Variants in CCDC66 observed in about 807,000 individuals in gnomAD.
CCDC66 encodes the protein coiled-coil domain-containing protein 66.
In CCDC66, 133 loss-of-function variants were observed where a neutral mutation model predicts 128.3. The ratio of observed to expected loss-of-function variants is 1.04; its 90% confidence interval spans 0.90 to 1.20. The LOEUF (loss-of-function observed/expected upper bound fraction) is 1.20, where lower values mean the gene tolerates loss of function less well. CCDC66 is among the 50% of genes most tolerant of loss of function. The probability of loss-of-function intolerance (pLI) is 0.00; values close to 1 mark genes in which losing one functional copy is unlikely to be tolerated. For missense variants in CCDC66, 1,126 were observed against 1,075.5 expected (o/e 1.05, Z -0.66); for synonymous variants, 387 against 357.0 (o/e 1.08, Z -0.95).
intron 15 of CCDC66, chr3:56,618,878 A>AG (rs1231755894): frequency 5.7e-6 from 1 of 174,914 alleles, no homozygotes; most frequent in Non-Finnish European, 1.2e-5. Flanking sequence ...TATAGAGTTC[A>AG]GGCTTCTATG....
intron 7 of CCDC66, among the ~76,000 whole-genome samples, chr3:56,575,717 T>C (rs2067264243): frequency 6.6e-6 from 1 of 151,892 alleles, no homozygotes; most frequent in Non-Finnish European, 1.5e-5. Context: ...CTAGCTCTTA[T>C]GTTTAGGTCT....
chr3:56,599,878 G>T (rs2072832968), intron 10 of CCDC66, among the ~76,000 whole-genome samples: 1 of 152,188 alleles, frequency 6.6e-6, no homozygotes, highest in East Asian at 1.9e-4. Context: ...GAGATGTTCT[G>T]TGTCCATGTG....
At chr3:56,585,356 G>T (rs2069491079) in intron 7 of CCDC66, among the ~76,000 whole-genome samples, 1 of 151,578 alleles carries the variant, frequency 6.6e-6, no homozygotes, top group Admixed American at 6.6e-5. Context: ...GGAAAAAGAA[G>T]AAATTGCTGT....
intron 7 of CCDC66, among the ~76,000 whole-genome samples, 186 bp from the exon 8 acceptor site, chr3:56,592,784 T>C (rs1261344622): frequency 6.6e-6 from 1 of 152,196 alleles, no homozygotes; most frequent in East Asian, 1.9e-4. Flanking sequence ...ATTTAAAATA[T>C]GATTCTGAGA....
chr3:56,573,790 C>T (rs914074623), intron 7 of CCDC66, among the ~76,000 whole-genome samples: 3 of 149,666 alleles, frequency 2.0e-5, no homozygotes, highest in African/African-American at 4.8e-5. Flanking sequence ...TCCCCATCCA[C>T]TCATGGCCAA....
rs1335655430 is a variant in CCDC66 at position 56,593,632 on chromosome 3, G to A, written c.1210G>A (p.Val404Ile). The A allele has an allele frequency of 6.2e-7, 1 of 1,614,168 alleles. No homozygotes were observed. Among genetic ancestry groups the A allele is most frequent in the East Asian group, 2.2e-5 (1 of 44,886 alleles). Residue 404 changes from valine (V) to isoleucine (I), a missense_variant, in exon 9 of 18, where the codon GTC becomes ATC. By Grantham distance (29) the Val-to-Ile change is conservative. Coordinates refer to ENST00000394672, the MANE Select transcript of CCDC66 (RefSeq NM_001141947.3). ...TCCTGACACTCAGGAGCTGGCTGATGTCAGCAGTGTTTGTACACCTACAAC... is the reference window on the plus strand; with the variant it reads ...TCCTGACACTCAGGAGCTGGCTGATATCAGCAGTGTTTGTACACCTACAAC... ...VSPDTQELAD[V>I]SSVCTPTTGS...
At chr3:56,608,815 G>A (rs551022152) in intron 10 of CCDC66, among the ~76,000 whole-genome samples, 53 of 152,116 alleles carry the variant, frequency 3.5e-4, no homozygotes, top group South Asian at 1.2e-3. Flanking sequence ...CATTACTGTC[G>A]TTCAGTTCAA....
At chr3:56,594,887 C>G (rs1478224131) in intron 10 of CCDC66, among the ~76,000 whole-genome samples, 1 of 152,104 alleles carries the variant, frequency 6.6e-6, no homozygotes, top group Non-Finnish European at 1.5e-5. Context: ...ACTTAACAGG[C>G]ACTATGCTAA....
At chr3:56,611,862 G>T (rs867271871) in intron 10 of CCDC66, among the ~76,000 whole-genome samples, 32 of 152,328 alleles carry the variant, frequency 2.1e-4, no homozygotes, top group Middle Eastern at 3.4e-3. Flanking sequence ...CTTCTCCAGT[G>T]GGGGTGTGTG....
intron 10 of CCDC66, among the ~76,000 whole-genome samples, chr3:56,597,527 G>C (rs1255491657): frequency 6.6e-6 from 1 of 151,902 alleles, no homozygotes; most frequent in Non-Finnish European, 1.5e-5. Context: ...CTTGCCATTT[G>C]TTTGTATCCT....
At chr3:56,594,675 T>A (rs2071551179) in intron 10 of CCDC66, among the ~76,000 whole-genome samples, 2 of 145,868 alleles carry the variant, frequency 1.4e-5, no homozygotes, top group Non-Finnish European at 1.5e-5. Context: ...AGAGTGAGAC[T>A]CCATCTCAAA....
chr3:56,561,018 G>A (rs1003548261), intron 3 of CCDC66: 6 of 449,176 alleles, frequency 1.3e-5, no homozygotes, highest in African/African-American at 8.1e-5. Flanking sequence ...AATAGGTGAA[G>A]ATGATCAGAA....
At position 56,593,609 on chromosome 3, in the gene CCDC66, C is replaced by G; in HGVS notation, c.1187C>G (p.Pro396Arg). 6.2e-7 allele frequency: 1 copy of G among 1,614,190 alleles called. No individual in the cohort carries two copies. The highest frequency in any genetic ancestry group is 8.5e-7 in the Non-Finnish European group (1 of 1,180,022). Residue 396 changes from proline (P) to arginine (R), a missense_variant, in exon 9 of 18, where the codon CCT (proline) becomes CGT (arginine). Coordinates refer to ENST00000394672, the MANE Select transcript of CCDC66 (RefSeq NM_001141947.3). ...CAACCTGAGTACTTCTGTGTCTCTCCTGACACTCAGGAGCTGGCTGATGTC... is the reference window on the plus strand; with the variant it reads ...CAACCTGAGTACTTCTGTGTCTCTCGTGACACTCAGGAGCTGGCTGATGTC... ...HKQPEYFCVS[P>R]DTQELADVSS...
intron 4 of CCDC66, among the ~76,000 whole-genome samples, chr3:56,565,619 A>T (rs917117682): frequency 1.4e-5 from 2 of 144,184 alleles, no homozygotes; most frequent in African/African-American, 5.1e-5. Flanking sequence ...TTTTTTATTT[A>T]TTATTATTAT....
At chr3:56,604,770 C>G (rs1435850478) in intron 10 of CCDC66, among the ~76,000 whole-genome samples, 1 of 151,862 alleles carries the variant, frequency 6.6e-6, no homozygotes, top group Non-Finnish European at 1.5e-5. Flanking sequence ...TTGGGTTGCT[C>G]TTCTCCAGGA....
chr3:56,613,742 CAA>C lies in CCDC66; in HGVS notation c.1561_1562del (p.Lys521GlyfsTer10), dbSNP rs1471993637. On this transcript the variant is annotated frameshift_variant, in exon 11 of 18. Transcript: ENST00000394672. LOFTEE classifies it high-confidence loss of function. Reference protein sequence around the residue: ...QYEEDILKQKQKEEIMTLKTN... With the variant: ...QYEEDILKQKXKEEIMTLKTN... ...TGAAGAAGACATACTTAAGCAAAAA[CAA>C]AAGGAAGTAGGTACTTACATTCTAA... is the stretch of plus-strand genomic sequence containing the variant. The C allele has an allele frequency of 6.2e-7, 1 of 1,605,772 alleles. No individual in the cohort carries two copies. Among genetic ancestry groups the C allele is most frequent in the Non-Finnish European group, 8.5e-7 (1 of 1,177,154 alleles).
Position 56,564,068 on chromosome 3 carries a change from AC to A in CCDC66, c.488del (p.Thr163MetfsTer2), listed in dbSNP as rs1255014677. 1.2e-6 allele frequency: 2 copies of A among 1,613,136 alleles called. No homozygotes were observed. Among genetic ancestry groups the A allele is most frequent in the African/African-American group, 2.7e-5 (2 of 74,924 alleles). On this transcript the variant is annotated frameshift_variant, in exon 4 of 18. Transcript: ENST00000394672. LOFTEE classifies it high-confidence loss of function. ...AGACCAACTACAACAGATTTTGATG[AC>A]TGTAAACCAAGGAAATAGATCTCTT... Reference protein sequence around the residue: ...TQDQLQQILMTVNQGNRSLSL... With the variant: ...TQDQLQQILMXVNQGNRSLSL...
At position 56,593,659 on chromosome 3, in the gene CCDC66, G is replaced by T; in HGVS notation, c.1237G>T (p.Gly413Ter). 1 of 1,614,090 alleles carries T rather than the reference G, an allele frequency of 6.2e-7. No individual in the cohort carries two copies. The change falls in exon 9 of 18, where the codon GGA (glycine) becomes TGA (stop). Residue 413 changes from glycine to a stop codon, truncating the protein, a stop_gained. Coordinates refer to ENST00000394672, the MANE Select transcript of CCDC66 (RefSeq NM_001141947.3). LOFTEE classifies it high-confidence loss of function. ...CAGCAGTGTTTGTACACCTACAACC[G>T]GAAGCCAGGTTGAACCTTCAGAGGA... ...DVSSVCTPTT[G>*]SQVEPSEEEH...
At chr3:56,597,634 T>C (rs761828847) in intron 10 of CCDC66, among the ~76,000 whole-genome samples, 26 of 151,924 alleles carry the variant, frequency 1.7e-4, no homozygotes, top group Non-Finnish European at 2.6e-4. Flanking sequence ...TTTGTAGCTA[T>C]TGTAGGTGGG....
Sources: allele counts gnomAD v4.1 joint callset (sites outside exome capture counted in the v4.1 genomes callset), GRCh38; gene constraint gnomAD v4.1.1; transcripts MANE v1.5; gene names NCBI Gene and HGNC (gene_info 2026-07-23, HGNC 2026-07-21).